Variants in LITAF observed in about 807,000 individuals in gnomAD.
The protein encoded by LITAF is lipopolysaccharide induced TNF factor.
A neutral mutation model predicts 14.5 loss-of-function variants in LITAF; 9 were observed. The ratio of observed to expected loss-of-function variants is 0.62; its 90% confidence interval spans 0.37 to 1.08. The LOEUF is 1.08. LITAF is among the 50% of genes least tolerant of loss of function. The pLI is 0.01. For synonymous variants in LITAF, 98 were observed against 88.2 expected (o/e 1.11, Z -0.62); for missense variants, 206 against 213.4 (o/e 0.97, Z 0.22).
At chr16:11,552,766 G>C (rs746332416) in intron 3 of LITAF, among the ~76,000 whole-genome samples, 3 of 152,130 alleles carry the variant, frequency 2.0e-5, no homozygotes, top group Non-Finnish European at 4.4e-5. Context: ...AAGCGGGTGG[G>C]GGCCAGGGAT....
At chr16:11,573,548 A>G (rs890033931) in intron 1 of LITAF, among the ~76,000 whole-genome samples, 1 of 152,206 alleles carries the variant, frequency 6.6e-6, no homozygotes, top group African/African-American at 2.4e-5. Context: ...AAGGGTACCA[A>G]TCAGGGATGG....
intron 3 of LITAF, among the ~76,000 whole-genome samples, chr16:11,609,447 C>G (rs768398496): frequency 6.6e-6 from 1 of 152,116 alleles, no homozygotes; most frequent in Non-Finnish European, 1.5e-5. Context: ...CTCCTGACCT[C>G]AAGTGATCCA....
At chr16:11,637,252 C>T (rs1013278813), upstream of LITAF, among the ~76,000 whole-genome samples, 3 of 152,092 alleles carry the variant, frequency 2.0e-5, no homozygotes, top group African/African-American at 7.2e-5. Context: ...GGAGAAGGGG[C>T]CTCACAGTAG....
chr16:11,578,887 G>A (rs1336623616), intron 1 of LITAF, among the ~76,000 whole-genome samples: 1 of 152,150 alleles, frequency 6.6e-6, no homozygotes, highest in Non-Finnish European at 1.5e-5. Context: ...GAGGAGACAA[G>A]ATGACTAAAT....
At chr16:11,557,607 G>A (rs922852747) in intron 1 of LITAF, among the ~76,000 whole-genome samples, 3 of 151,868 alleles carry the variant, frequency 2.0e-5, no homozygotes, top group Admixed American at 6.6e-5. Context: ...GTGCCCCCCC[G>A]CCCGGCTAAT....
At chr16:11,560,480 G>A (rs569807997) in intron 1 of LITAF, among the ~76,000 whole-genome samples, 70 of 151,524 alleles carry the variant, frequency 4.6e-4, no homozygotes, top group Non-Finnish European at 6.9e-4. Flanking sequence ...GTCTGGTGGC[G>A]TGCGCCTGTA....
chr16:11,602,842 G>A (rs900894625), upstream of LITAF, among the ~76,000 whole-genome samples: 5 of 151,926 alleles, frequency 3.3e-5, no homozygotes, highest in Non-Finnish European at 7.4e-5. Context: ...TTCAGTGACT[G>A]ACTCACGCCT....
chr16:11,557,328 G>C (rs2064290430), intron 1 of LITAF, among the ~76,000 whole-genome samples: 1 of 151,992 alleles, frequency 6.6e-6, no homozygotes, highest in Admixed American at 6.6e-5. Context: ...GGCCTTTGCG[G>C]GGGGCGGGTC....
At chr16:11,608,127 TC>T (rs1318743082) in intron 3 of LITAF, among the ~76,000 whole-genome samples, 2 of 152,152 alleles carry the variant, frequency 1.3e-5, no homozygotes, top group African/African-American at 4.8e-5. Flanking sequence ...GCCATCTCGA[TC>T]CTCCTAGCAC....
intron 3 of LITAF, among the ~76,000 whole-genome samples, chr16:11,620,400 C>T (rs979624814): frequency 6.6e-6 from 1 of 152,090 alleles, no homozygotes; most frequent in Non-Finnish European, 1.5e-5. Flanking sequence ...CGCCGTGGGA[C>T]ATGCCTGTTC....
chr16:11,571,131 G>A (rs566581253), intron 1 of LITAF, among the ~76,000 whole-genome samples: 2 of 152,046 alleles, frequency 1.3e-5, no homozygotes, highest in African/African-American at 2.4e-5. Flanking sequence ...GTAGTAGTGC[G>A]ATCTCAGCTC....
At chr16:11,620,001 C>T (rs1296378300) in intron 3 of LITAF, among the ~76,000 whole-genome samples, 1 of 151,744 alleles carries the variant, frequency 6.6e-6, no homozygotes, top group Admixed American at 6.6e-5. Context: ...AACCCTATCT[C>T]TACTAAAAAT....
chr16:11,587,133 A>C, upstream of LITAF: 2 of 282,784 alleles, frequency 7.1e-6, no homozygotes. Flanking sequence ...TCGCCACCCC[A>C]GAGCTTCCCA....
rs1235781606 is a variant in LITAF, at chr16:11,549,026, T to C, written c.*611A>G. 6.6e-6 allele frequency: 3 copies of C among 452,534 alleles called. No homozygotes were observed. The highest frequency in any genetic ancestry group is 3.1e-5 in the South Asian group (2 of 64,300). 28.0% of individuals were successfully genotyped at this position (452,534 alleles called of 1,614,324 possible). A position where few individuals can be genotyped will look rare whatever the true frequency, so the allele number is the denominator to read the frequency against. On this transcript the variant is annotated 3_prime_UTR_variant, in exon 4 of 4. Transcript: ENST00000622633. The surrounding 1 kb of genome is among the most constrained non-coding windows in gnomAD (Gnocchi z 4.6). ...TACGACCTTGTGGATATGTCTGTAC[T>C]GGGTGTTAATAGCCCCCTCCTTGTA...
At chr16:11,608,227 C>A (rs2064964541) in intron 3 of LITAF, among the ~76,000 whole-genome samples, 1 of 152,178 alleles carries the variant, frequency 6.6e-6, no homozygotes, top group South Asian at 2.1e-4. Flanking sequence ...GATCACACCG[C>A]AAGCACAGCC....
At chr16:11,622,218 C>A (rs905058369) in intron 3 of LITAF, among the ~76,000 whole-genome samples, 1 of 152,184 alleles carries the variant, frequency 6.6e-6, no homozygotes, top group Admixed American at 6.5e-5. Context: ...GCTCATGAGA[C>A]CCCAGCTGGA....
In LITAF at chr16:11,562,600, A is replaced by G. The variant is rs182877587; in HGVS notation, c.-5-5865T>C. Among the ~76,000 whole-genome samples the G allele has an allele frequency of 3.9e-3, 599 of 152,258 alleles. 1 individual carries two copies. The highest frequency in any genetic ancestry group is 6.0e-3 in the South Asian group (29 of 4,826). On this transcript the variant is annotated intron_variant, in intron 1 of 3. Coordinates refer to ENST00000622633, the MANE Select transcript of LITAF (RefSeq NM_001136472.2). Reference sequence around the variant, plus strand: ...ATTCTACCTCTCAACAATTTGCTCAACGAAAGGTATTCTTGCCCAGGCATG... The same window carrying G: ...ATTCTACCTCTCAACAATTTGCTCAGCGAAAGGTATTCTTGCCCAGGCATG...
chr16:11,617,307 T>C (rs2065024914), intron 3 of LITAF, among the ~76,000 whole-genome samples: 1 of 151,934 alleles, frequency 6.6e-6, no homozygotes, highest in African/African-American at 2.4e-5. Context: ...CGCCATCCCA[T>C]GAAATGTATG....
At position 11,549,643 on chromosome 16, in the gene LITAF, A is replaced by C; in HGVS notation, c.480T>G (p.Arg160=). The C allele has an allele frequency of 1.2e-6, 2 of 1,611,568 alleles. No individual in the cohort carries two copies. Among genetic ancestry groups the C allele is most frequent in the Non-Finnish European group, 1.7e-6 (2 of 1,178,284 alleles). Residue 160 remains arginine, a synonymous_variant, in exon 4 of 4, where the codon CGT becomes CGG. Coordinates refer to ENST00000622633, the MANE Select transcript of LITAF (RefSeq NM_001136472.2). This position sits in a 1 kb window ranked among gnomAD's most constrained non-coding sequence, Gnocchi z 4.6. ...NCRALLGTYK[R]L ...CTCCACGTCTGGCTGAGTCCTACAA[A>C]CGCTTGTAGGTGCCCAGGAGAGCTC...
Sources: allele counts gnomAD v4.1 joint callset (sites outside exome capture counted in the v4.1 genomes callset), GRCh38; gene constraint gnomAD v4.1.1; non-coding constraint Gnocchi (gnomAD v3.1); transcripts MANE v1.5; gene names NCBI Gene and HGNC (gene_info 2026-07-23, HGNC 2026-07-21).